CATSPERT: variants seen among roughly 807,000 people sequenced by gnomAD.
CATSPERT encodes catsper channel auxiliary subunit tau, also known as cation channel sperm-associated targeting subunit tau.
At chr2:201,586,429 A>G in the CATSPERT span, among the ~76,000 whole-genome samples, 1 of 152,092 alleles carries the variant, frequency 6.6e-6, no homozygotes, top group Non-Finnish European at 1.5e-5. Context: ...ATAGATTTAA[A>G]CTCAAATATA....
the CATSPERT span, among the ~76,000 whole-genome samples, chr2:201,543,688 C>A: frequency 6.6e-6 from 1 of 151,888 alleles, no homozygotes; most frequent in Non-Finnish European, 1.5e-5. Context: ...ACTGATTTTT[C>A]TGTGTTGGTT....
chr2:201,496,094 T>A, the CATSPERT span: 1 of 534,900 alleles, frequency 1.9e-6, no homozygotes, highest in Non-Finnish European at 3.2e-6. Flanking sequence ...TCATAACAAC[T>A]ATACCTTGCC....
At chr2:201,550,924 T>C in the CATSPERT span, 5 of 152,166 alleles carry the variant, frequency 3.3e-5, no homozygotes, top group African/African-American at 1.2e-4. Context: ...ATTCCACTTA[T>C]CCCTCTACTA....
the CATSPERT span, chr2:201,537,478 A>T: frequency 6.3e-7 from 1 of 1,587,292 alleles, no homozygotes; most frequent in Admixed American, 1.7e-5. Flanking sequence ...CAAGAGGGAT[A>T]TCTGCTTAAA....
At chr2:201,589,962 T>C in the CATSPERT span, among the ~76,000 whole-genome samples, 1 of 151,716 alleles carries the variant, frequency 6.6e-6, no homozygotes, top group Admixed American at 6.6e-5. Flanking sequence ...AAACGGATAC[T>C]TTTCTTTTTA....
the CATSPERT span, chr2:201,565,994 C>T: frequency 1.2e-6 from 1 of 820,282 alleles, no homozygotes; most frequent in Non-Finnish European, 1.7e-6. Flanking sequence ...CCACCTTGGG[C>T]CATCGAAGGC....
At chr2:201,545,736 C>T in the CATSPERT span, 1 of 570,042 alleles carries the variant, frequency 1.8e-6, no homozygotes, top group South Asian at 5.3e-5. Flanking sequence ...TACAATACAC[C>T]TTCCTCCACA....
chr2:201,538,809 G>T, the CATSPERT span, among the ~76,000 whole-genome samples: 1 of 151,882 alleles, frequency 6.6e-6, no homozygotes, highest in Non-Finnish European at 1.5e-5. Flanking sequence ...CTGATCCTCT[G>T]CCTCCTCCTA....
the CATSPERT span, among the ~76,000 whole-genome samples, chr2:201,566,672 C>T: frequency 3.3e-5 from 5 of 152,140 alleles, no homozygotes; most frequent in South Asian, 6.2e-4. Context: ...CATACGTGTG[C>T]ATGTGTCTTT....
chr2:201,493,869 G>T, the CATSPERT span: 4 of 1,536,730 alleles, frequency 2.6e-6, no homozygotes, highest in Non-Finnish European at 3.5e-6. Context: ...CAGCTTCGAA[G>T]TGTTTTTTAG....
At chr2:201,522,283 T>C in the CATSPERT span, among the ~76,000 whole-genome samples, 1 of 152,140 alleles carries the variant, frequency 6.6e-6, no homozygotes, top group Non-Finnish European at 1.5e-5. Flanking sequence ...CAAAAACTCT[T>C]ATAACTGATC....
chr2:201,522,258 A>C, the CATSPERT span, among the ~76,000 whole-genome samples: 1 of 152,334 alleles, frequency 6.6e-6, no homozygotes, highest in South Asian at 2.1e-4. Context: ...ACATAGAAAA[A>C]TGTAAAGACT....
the CATSPERT span, among the ~76,000 whole-genome samples, chr2:201,604,325 G>T: frequency 6.6e-6 from 1 of 152,122 alleles, no homozygotes; most frequent in Non-Finnish European, 1.5e-5. Flanking sequence ...CTCTCCTAGA[G>T]ATTCTAAGTT....
chr2:201,572,517 G>A, the CATSPERT span, among the ~76,000 whole-genome samples: 2 of 151,996 alleles, frequency 1.3e-5, no homozygotes, highest in African/African-American at 4.8e-5. Flanking sequence ...CTTTGTTCCT[G>A]GTTTTTAGTA....
chr2:201,522,410 A>G, the CATSPERT span, among the ~76,000 whole-genome samples: 4 of 152,148 alleles, frequency 2.6e-5, no homozygotes, highest in Non-Finnish European at 4.4e-5. Context: ...AAGATCATCA[A>G]GAAGACCAGC....
the CATSPERT span, among the ~76,000 whole-genome samples, chr2:201,561,845 G>A: frequency 2.0e-5 from 3 of 151,268 alleles, no homozygotes; most frequent in East Asian, 5.8e-4. Context: ...CTGCACTCCC[G>A]CCTGGGTGAC....
At chr2:201,570,985 G>T in the CATSPERT span, among the ~76,000 whole-genome samples, 4 of 152,100 alleles carry the variant, frequency 2.6e-5, no homozygotes, top group Admixed American at 2.6e-4. Context: ...CTTTATGTTT[G>T]GCTCTTGAAG....
At chr2:201,573,712 T>C in the CATSPERT span, among the ~76,000 whole-genome samples, 8,373 of 152,212 alleles carry the variant, frequency 0.055, 280 homozygotes, top group African/African-American at 0.08. Flanking sequence ...GCTGGAGTGC[T>C]GTGGTGTGAT....
the CATSPERT span, among the ~76,000 whole-genome samples, chr2:201,591,598 T>C: frequency 6.6e-6 from 1 of 152,192 alleles, no homozygotes; most frequent in Non-Finnish European, 1.5e-5. Context: ...TTCACGATAT[T>C]GATTCTTCCT....
Sources: gnomAD v4.1 joint callset for allele counts (sites outside exome capture counted in the v4.1 genomes callset) on GRCh38, gnomAD v4.1.1 for gene constraint, MANE v1.5 for transcripts, NCBI Gene and HGNC (gene_info 2026-07-23, HGNC 2026-07-21) for gene names.